Variants in SP3 observed in about 807,000 individuals in gnomAD.
SP3 encodes transcription factor Sp3.
SP3 carries 10 observed loss-of-function variants against 70.3 expected under a neutral mutation model. That is an observed-to-expected ratio of 0.14 (90% CI 0.09 to 0.24). SP3 has a LOEUF of 0.24. SP3 is among the 10% of genes least tolerant of loss of function. The pLI, the probability that SP3 is intolerant of heterozygous loss-of-function variation, is 1.00. For missense variants in SP3, 825 were observed against 914.6 expected (o/e 0.90, Z 1.26); for synonymous variants, 402 against 333.5 (o/e 1.21, Z -2.24).
chr2:173,919,338 T>TA (rs912822891), intron 4 of SP3, among the ~76,000 whole-genome samples: 87 of 152,212 alleles, frequency 5.7e-4, no homozygotes, highest in Non-Finnish European at 1.1e-3. Flanking sequence ...ATTCTCACCA[T>TA]AAAATCAATT....
rs529300412 is a variant in SP3 at position 173,906,554 on chromosome 2, G to C, written c.*3387C>G. On this transcript the variant is annotated 3_prime_UTR_variant, in exon 7 of 7. Coordinates refer to ENST00000310015, the MANE Select transcript of SP3 (RefSeq NM_003111.5). ...TAATTAAAACTGAAAACCAAATTGT[G>C]TAACAGGTAGCATAACATGTCAGTT... The C allele has an allele frequency of 6.6e-6, 1 of 152,304 alleles. No homozygotes were observed. Among genetic ancestry groups the C allele is most frequent in the South Asian group, 2.1e-4 (1 of 4,828 alleles). The allele number at this position is 152,304 out of a possible 1,614,324, so 9.4% of individuals were successfully genotyped here. A position where few individuals can be genotyped will look rare whatever the true frequency, so the allele number is the denominator to read the frequency against.
chr2:173,947,669 G>C (rs1010331856), intron 4 of SP3, among the ~76,000 whole-genome samples: 1 of 152,000 alleles, frequency 6.6e-6, no homozygotes, highest in African/African-American at 2.4e-5. Context: ...AGAATGTTTT[G>C]TTTTCTTTAA....
intron 4 of SP3, among the ~76,000 whole-genome samples, chr2:173,946,856 C>CG (rs1485745809): frequency 6.6e-6 from 1 of 150,964 alleles, no homozygotes; most frequent in Non-Finnish European, 1.5e-5. Flanking sequence ...CCAGTAGCTG[C>CG]GACTACAGGT....
At chr2:173,923,664 T>C (rs1169358269) in intron 4 of SP3, among the ~76,000 whole-genome samples, 2 of 152,106 alleles carry the variant, frequency 1.3e-5, no homozygotes, top group Non-Finnish European at 2.9e-5. Flanking sequence ...TTATCAATAG[T>C]GTGCCATTAA....
chr2:173,923,487 A>ACCT (rs1275362845), intron 4 of SP3, among the ~76,000 whole-genome samples: 3 of 152,118 alleles, frequency 2.0e-5, no homozygotes, highest in Non-Finnish European at 4.4e-5. Context: ...AATCCTAAAT[A>ACCT]CCTCTTCCTA....
At chr2:173,927,522 C>CG (rs1689949889) in intron 4 of SP3, among the ~76,000 whole-genome samples, 2 of 152,100 alleles carry the variant, frequency 1.3e-5, no homozygotes, top group Non-Finnish European at 2.9e-5. Flanking sequence ...AGGTGATCTG[C>CG]CGGCCTCGGT....
At position 173,932,973 on chromosome 2, in the gene SP3, A is replaced by G. The variant is rs1690107299; in HGVS notation, c.1640-14188T>C. On this transcript the variant is annotated intron_variant, in intron 4 of 6. Transcript: ENST00000310015. ...CACCACTGCACTCCAGGCCTGGGCG[A>G]CAGTACGAGACTGTCTCAAAAACAA... Among the ~76,000 whole-genome samples, 6 of 152,186 alleles carry G rather than the reference A, an allele frequency of 3.9e-5. No individual in the cohort carries two copies. In the South Asian group the frequency reaches 1.2e-3, roughly 32 times the overall value.
Position 173,955,504 on chromosome 2 carries a change from T to G in SP3, c.1008A>C (p.Ser336=). 6.2e-7 allele frequency: 1 copy of G among 1,614,196 alleles called. No individual in the cohort carries two copies. Among genetic ancestry groups the G allele is most frequent in the East Asian group, 2.2e-5 (1 of 44,892 alleles). The part of the protein sequence containing the change: ...DTDLFVPTSS[S]SQLPVTIDST... ...TATCTATCGTAACAGGCAACTGTGA[T>G]GAAGAGGATGTTGGCACAAATAAAT... Residue 336 remains serine (S), a synonymous_variant, in exon 4 of 7, where the codon TCA becomes TCC. Coordinates refer to ENST00000310015, the MANE Select transcript of SP3 (RefSeq NM_003111.5).
At chr2:173,942,932 T>C (rs1690417007) in intron 4 of SP3, among the ~76,000 whole-genome samples, 1 of 152,186 alleles carries the variant, frequency 6.6e-6, no homozygotes, top group African/African-American at 2.4e-5. Flanking sequence ...ATTTACATTA[T>C]ATTAGGTATT....
intron 4 of SP3, among the ~76,000 whole-genome samples, chr2:173,933,123 T>TG (rs1304570122): frequency 6.6e-6 from 1 of 152,154 alleles, no homozygotes; most frequent in Non-Finnish European, 1.5e-5. Context: ...AATGCGAGGT[T>TG]GCCACATTCT....
At chr2:173,957,239 T>G (rs528818170) in intron 3 of SP3, among the ~76,000 whole-genome samples, 2 of 152,112 alleles carry the variant, frequency 1.3e-5, no homozygotes, top group African/African-American at 4.8e-5. Context: ...TTTACCAAGA[T>G]GAAATACACA....
At chr2:173,946,277 T>C (rs1182000093) in intron 4 of SP3, among the ~76,000 whole-genome samples, 1 of 152,166 alleles carries the variant, frequency 6.6e-6, no homozygotes, top group Non-Finnish European at 1.5e-5. Flanking sequence ...TTGTGTACTT[T>C]TGAAATTTTT....
Position 173,906,567 on chromosome 2 carries a change from TA to T in SP3, c.*3373del, listed in dbSNP as rs1285146516. On this transcript the variant is annotated 3_prime_UTR_variant, in exon 7 of 7. Coordinates refer to ENST00000310015, the MANE Select transcript of SP3 (RefSeq NM_003111.5). ...AAACCAAATTGTGTAACAGGTAGCA[TA>T]ACATGTCAGTTTATATTATTTTAAA... The T allele has an allele frequency of 2.0e-5, 3 of 152,190 alleles. No homozygotes were observed. The highest frequency in any genetic ancestry group is 7.2e-5 in the African/African-American group (3 of 41,434). The allele number at this position is 152,190 out of a possible 1,614,324, so 9.4% of individuals were successfully genotyped here.
At chr2:173,920,492 G>A (rs949370707) in intron 4 of SP3, among the ~76,000 whole-genome samples, 2 of 152,214 alleles carry the variant, frequency 1.3e-5, no homozygotes, top group South Asian at 4.1e-4. Flanking sequence ...CTGAATGATG[G>A]GTGATGTTGA....
chr2:173,957,405 G>C (rs1690930844), intron 3 of SP3, among the ~76,000 whole-genome samples: 1 of 152,152 alleles, frequency 6.6e-6, no homozygotes, highest in East Asian at 1.9e-4. Context: ...TGAAAAAAAA[G>C]ATTTCATACA....
intron 4 of SP3, among the ~76,000 whole-genome samples, chr2:173,949,023 C>G (rs1442318188): frequency 3.3e-5 from 5 of 152,098 alleles, no homozygotes; most frequent in African/African-American, 2.4e-5. Flanking sequence ...AAAAGTCTTA[C>G]ACAACAACCT....
At chr2:173,934,798 G>C (rs62172770) in intron 4 of SP3, among the ~76,000 whole-genome samples, 2,168 of 152,216 alleles carry the variant, frequency 0.014, 18 homozygotes, top group Non-Finnish European at 0.022. Context: ...TGCTTTTACA[G>C]TTCTAAGGCT....
chr2:173,917,136 T>G (rs1037200178), intron 5 of SP3, among the ~76,000 whole-genome samples: 1 of 152,090 alleles, frequency 6.6e-6, no homozygotes, highest in Non-Finnish European at 1.5e-5. Flanking sequence ...TTAATAAACA[T>G]AAACTAATTA....
Position 173,956,124 on chromosome 2 carries a change from G to C in SP3, c.388C>G (p.Pro130Ala), listed in dbSNP as rs1161275518. 2.5e-6 allele frequency: 4 copies of C among 1,614,164 alleles called. No individual in the cohort carries two copies. The highest frequency in any genetic ancestry group is 3.4e-6 in the Non-Finnish European group (4 of 1,180,016). Residue 130 changes from proline (P) to alanine (A), a missense_variant, in exon 4 of 7, where the codon CCA becomes GCA. Around this residue, in one of 4 missense-constraint regions of SP3, gnomAD observed 678 missense variants for 651.6 expected, o/e 1.04. Coordinates refer to ENST00000310015, the MANE Select transcript of SP3 (RefSeq NM_003111.5). Reference protein sequence around the residue: ...KDEAGNLVQIPSAATSSGQYV... With the variant: ...KDEAGNLVQIASAATSSGQYV... ...TGCCCACTTGAAGTAGCAGCACTTG[G>C]AATCTGGACTAGATTACCAGCTTCA...
Sources: gnomAD v4.1 joint callset for allele counts (sites outside exome capture counted in the v4.1 genomes callset) on GRCh38, gnomAD v4.1.1 for gene constraint, gnomAD v4.1.1 regional missense constraint, MANE v1.5 for transcripts, NCBI Gene and HGNC (gene_info 2026-07-23, HGNC 2026-07-21) for gene names.